The following CCSER1 variants were observed in gnomAD, a reference collection of about 807,000 sequenced individuals.
CCSER1 encodes the protein serine-rich coiled-coil domain-containing protein 1.
CCSER1 carries 41 observed loss-of-function variants against 82.0 expected under a neutral mutation model. The ratio of observed to expected loss-of-function variants is 0.50; its 90% confidence interval spans 0.39 to 0.65. CCSER1 has a LOEUF of 0.65. CCSER1 is among the 30% of genes least tolerant of loss of function. CCSER1 has a pLI of 0.00. For synonymous variants in CCSER1, 414 were observed against 383.9 expected (o/e 1.08, Z -0.92); for missense variants, 1,119 against 1,064.2 (o/e 1.05, Z -0.72).
intron 9 of CCSER1, among the ~76,000 whole-genome samples, chr4:90,952,659 A>G (rs1373372502): frequency 6.6e-6 from 1 of 152,126 alleles, no homozygotes; most frequent in Non-Finnish European, 1.5e-5. Flanking sequence ...TTGATTTCCT[A>G]CAACTGGCCT....
At chr4:91,085,730 A>G (rs1162189492) in intron 9 of CCSER1, among the ~76,000 whole-genome samples, 1 of 151,974 alleles carries the variant, frequency 6.6e-6, no homozygotes, top group Non-Finnish European at 1.5e-5. Flanking sequence ...TTTACTTATG[A>G]TGTAGGGGTC....
intron 10 of CCSER1, among the ~76,000 whole-genome samples, chr4:91,171,881 G>GT (rs1560489627): frequency 6.6e-6 from 1 of 151,780 alleles, no homozygotes; most frequent in African/African-American, 2.4e-5. Context: ...TGCTAATATT[G>GT]TTTTTTATTA....
At chr4:90,434,493 G>A (rs1758743428) in intron 4 of CCSER1, among the ~76,000 whole-genome samples, 1 of 152,074 alleles carries the variant, frequency 6.6e-6, no homozygotes, top group Admixed American at 6.6e-5. Context: ...CTAAAACCCA[G>A]CAGAACTGAA....
chr4:90,355,730 C>G (rs923465188), intron 3 of CCSER1, among the ~76,000 whole-genome samples: 1 of 151,888 alleles, frequency 6.6e-6, no homozygotes, highest in Admixed American at 6.6e-5. Context: ...ACATTATTGA[C>G]AGAAAAATCA....
At chr4:90,535,363 T>C (rs1775183451) in intron 5 of CCSER1, among the ~76,000 whole-genome samples, 1 of 152,084 alleles carries the variant, frequency 6.6e-6, no homozygotes, top group South Asian at 2.1e-4. Context: ...AGTGGGAGGA[T>C]CATTTGAGCC....
intron 5 of CCSER1, among the ~76,000 whole-genome samples, chr4:90,474,130 A>G (rs1469429122): frequency 7.1e-6 from 1 of 140,512 alleles, no homozygotes; most frequent in Non-Finnish European, 1.5e-5. Flanking sequence ...ACAGAGCAAG[A>G]TTCCCTCTCA....
rs142343973 is a variant in CCSER1, at chr4:91,392,363, G to GCACACACA, written c.2218-206189_2218-206182dup. 2.4e-3 allele frequency among the ~76,000 whole-genome samples: 360 copies of GCACACACA among 148,208 alleles called. 2 individuals carry two copies. Among genetic ancestry groups the GCACACACA allele is most frequent in the African/African-American group, 8.1e-3 (328 of 40,294 alleles). On this transcript the variant is annotated intron_variant, in intron 10 of 10. Coordinates refer to ENST00000509176, the MANE Select transcript of CCSER1 (RefSeq NM_001145065.2). ...AGTTAGCAATATGAAACCTACACAT[G>GCACACACA]CACACACACACACACACACACACAC...
intron 9 of CCSER1, among the ~76,000 whole-genome samples, chr4:90,930,478 C>T (rs1194682752): frequency 2.6e-5 from 4 of 151,784 alleles, no homozygotes; most frequent in East Asian, 1.9e-4. Context: ...AGGTGGTGCA[C>T]GCCTGTAGTC....
At chr4:91,115,475 C>T (rs559625469) in intron 10 of CCSER1, among the ~76,000 whole-genome samples, 38 of 152,050 alleles carry the variant, frequency 2.5e-4, no homozygotes, top group East Asian at 1.4e-3. Context: ...TACAGGTGTG[C>T]GCCACCATGC....
intron 3 of CCSER1, chr4:90,370,555 A>G (rs1747214280): frequency 6.6e-6 from 1 of 152,032 alleles, no homozygotes; most frequent in East Asian, 1.9e-4. Flanking sequence ...AACATTATTC[A>G]TAATTTACCT....
chr4:90,621,709 G>T (rs116613097), intron 5 of CCSER1, among the ~76,000 whole-genome samples: 2,083 of 152,232 alleles, frequency 0.014, 55 homozygotes, highest in African/African-American at 0.048. Flanking sequence ...GTTTTTCAGA[G>T]TCTGTATTTT....
At chr4:90,574,147 T>C (rs1169355432) in intron 5 of CCSER1, among the ~76,000 whole-genome samples, 1 of 151,982 alleles carries the variant, frequency 6.6e-6, no homozygotes, top group East Asian at 1.9e-4. Flanking sequence ...TGAAATAGTA[T>C]TTCTTGTTTT....
intron 10 of CCSER1, among the ~76,000 whole-genome samples, chr4:91,303,722 G>A (rs1744840084): frequency 6.6e-6 from 1 of 151,920 alleles, no homozygotes; most frequent in South Asian, 2.1e-4. Context: ...CTGAGTCTGG[G>A]AGGTCAAGGT....
intron 9 of CCSER1, among the ~76,000 whole-genome samples, chr4:91,033,927 A>C (rs1195667901): frequency 1.3e-5 from 2 of 152,156 alleles, no homozygotes; most frequent in East Asian, 3.8e-4. Flanking sequence ...GTTGCCTCTA[A>C]GTCCCTGGTG....
chr4:91,017,662 G>A (rs1581346437), intron 9 of CCSER1, among the ~76,000 whole-genome samples: 1 of 152,106 alleles, frequency 6.6e-6, no homozygotes, highest in Non-Finnish European at 1.5e-5. Context: ...AAAAGTAAAG[G>A]AAGGTGCAGG....
At chr4:90,909,454 G>A (rs1725998654) in intron 8 of CCSER1, among the ~76,000 whole-genome samples, 1 of 152,066 alleles carries the variant, frequency 6.6e-6, no homozygotes, top group African/African-American at 2.4e-5. Context: ...TAGTAGGCTG[G>A]GGTGGAGGCA....
At chr4:90,601,128 A>G (rs1413233033) in intron 5 of CCSER1, among the ~76,000 whole-genome samples, 1 of 151,974 alleles carries the variant, frequency 6.6e-6, no homozygotes, top group East Asian at 1.9e-4. Context: ...TTCTTTCTGA[A>G]CTAGATTATT....
At chr4:90,169,891 T>G (rs1731302469) in intron 1 of CCSER1, among the ~76,000 whole-genome samples, 1 of 151,942 alleles carries the variant, frequency 6.6e-6, no homozygotes, top group East Asian at 1.9e-4. Context: ...TTCATGCCAT[T>G]TTCCAGGCTT....
chr4:90,446,604 A>G (rs1436928444), intron 4 of CCSER1, among the ~76,000 whole-genome samples: 1 of 152,166 alleles, frequency 6.6e-6, no homozygotes, highest in Non-Finnish European at 1.5e-5. Context: ...ACTTGTCATA[A>G]AATAATATTG....
Sources: allele counts gnomAD v4.1 joint callset (sites outside exome capture counted in the v4.1 genomes callset), GRCh38; gene constraint gnomAD v4.1.1; transcripts MANE v1.5; gene names NCBI Gene and HGNC (gene_info 2026-07-23, HGNC 2026-07-21).